CELF4: variants seen among roughly 807,000 people sequenced by gnomAD.
The protein encoded by CELF4 is CUG-BP- and ETR-3-like factor 4.
Under a neutral mutation model 59.9 loss-of-function variants are expected in CELF4, and 18 were observed. The observed-to-expected ratio is 0.30, with a 90% CI of 0.21 to 0.45. The LOEUF is 0.45. Ranked by LOEUF, CELF4 falls within the 20% of genes least tolerant of loss-of-function variation. CELF4 has a pLI of 1.00. For synonymous variants in CELF4, 261 were observed against 267.1 expected, an observed-to-expected ratio of 0.98 and a Z score of 0.22; for missense variants, 456 against 689.0, an observed-to-expected ratio of 0.66 and a Z score of 3.79.
At chr18:37,446,209 A>G (rs1402358936) in intron 2 of CELF4, among the ~76,000 whole-genome samples, 1 of 152,146 alleles carries the variant, frequency 6.6e-6, no homozygotes, top group Non-Finnish European at 1.5e-5. Context: ...AGACTGCATA[A>G]ATGCTACAGC....
chr18:37,489,608 G>A (rs2099893505), intron 1 of CELF4, among the ~76,000 whole-genome samples: 1 of 152,184 alleles, frequency 6.6e-6, no homozygotes, highest in Non-Finnish European at 1.5e-5. Context: ...AGCTGAAAGG[G>A]GGGAAGGTGG....
At chr18:37,480,152 C>T (rs957687590) in intron 2 of CELF4, among the ~76,000 whole-genome samples, 4 of 152,188 alleles carry the variant, frequency 2.6e-5, no homozygotes, top group Non-Finnish European at 5.9e-5. Context: ...CAGTCCCATG[C>T]TAATACACTC....
intron 2 of CELF4, among the ~76,000 whole-genome samples, chr18:37,447,685 G>T (rs570603657): frequency 1.3e-5 from 2 of 152,330 alleles, no homozygotes; most frequent in Admixed American, 1.3e-4. Flanking sequence ...TGAGGGGTGG[G>T]TGTCTGCACC....
chr18:37,553,015 G>A (rs1181036301), intron 1 of CELF4, among the ~76,000 whole-genome samples: 3 of 152,144 alleles, frequency 2.0e-5, no homozygotes, highest in Admixed American at 2.0e-4. Context: ...CTTTTCCCTG[G>A]GGACCCAACT....
intron 2 of CELF4, among the ~76,000 whole-genome samples, chr18:37,401,426 C>A (rs1603636550): frequency 6.6e-6 from 1 of 152,188 alleles, no homozygotes. Context: ...ATTTGTGGGG[C>A]AAGGACTCAG....
intron 3 of CELF4, among the ~76,000 whole-genome samples, chr18:37,296,138 C>T (rs2095626004): frequency 6.6e-6 from 1 of 152,218 alleles, no homozygotes; most frequent in Non-Finnish European, 1.5e-5. Context: ...GGCCATTCAA[C>T]TATCTTTTTG....
intron 2 of CELF4, among the ~76,000 whole-genome samples, chr18:37,378,543 C>T (rs995765215): frequency 2.0e-5 from 3 of 152,200 alleles, no homozygotes; most frequent in African/African-American, 7.2e-5. Flanking sequence ...CTTCTTAGAG[C>T]GTCGAGAGGA....
chr18:37,334,873 C>G (rs1403911290), intron 2 of CELF4, among the ~76,000 whole-genome samples: 1 of 152,160 alleles, frequency 6.6e-6, no homozygotes, highest in Non-Finnish European at 1.5e-5. Context: ...TGCTCTTAAT[C>G]CCTACGCCAC....
chr18:37,271,062 A>G (rs554594118), intron 7 of CELF4, 145 bp from the exon 8 acceptor site: 21 of 662,402 alleles, frequency 3.2e-5, no homozygotes, highest in Middle Eastern at 4.1e-4. Context: ...AATCTTATCT[A>G]TGACCCATGC....
At chr18:37,549,973 C>T (rs756352319) in intron 1 of CELF4, among the ~76,000 whole-genome samples, 4 of 147,984 alleles carry the variant, frequency 2.7e-5, no homozygotes, top group African/African-American at 4.9e-5. Flanking sequence ...TTTTGGCATT[C>T]GAAACACAAG....
At chr18:37,416,796 C>T (rs1222072630) in intron 2 of CELF4, among the ~76,000 whole-genome samples, 2 of 152,172 alleles carry the variant, frequency 1.3e-5, no homozygotes, top group East Asian at 1.9e-4. Context: ...CTCCCTGTTG[C>T]ATCTGTCCTG....
chr18:37,425,730 G>A (rs1224827069), intron 2 of CELF4, among the ~76,000 whole-genome samples: 2 of 152,248 alleles, frequency 1.3e-5, no homozygotes, highest in South Asian at 2.1e-4. Flanking sequence ...CCCTGGCACA[G>A]ACTTGACCTT....
At chr18:37,519,462 A>C (rs1330210218) in intron 1 of CELF4, among the ~76,000 whole-genome samples, 2 of 152,118 alleles carry the variant, frequency 1.3e-5, no homozygotes, top group Non-Finnish European at 2.9e-5. Flanking sequence ...CTTCAGTGGA[A>C]GATTAAAAAA....
chr18:37,284,297 C>T (rs1018876221), intron 3 of CELF4, among the ~76,000 whole-genome samples: 2 of 151,700 alleles, frequency 1.3e-5, no homozygotes, highest in Non-Finnish European at 2.9e-5. Flanking sequence ...CAGACACACA[C>T]CCCAATGCAC....
intron 1 of CELF4, among the ~76,000 whole-genome samples, chr18:37,533,950 T>C (rs1396787457): frequency 6.6e-6 from 1 of 152,120 alleles, no homozygotes; most frequent in Non-Finnish European, 1.5e-5. Context: ...CCTGGCTCCT[T>C]GTGGTGTATG....
intron 3 of CELF4, among the ~76,000 whole-genome samples, chr18:37,307,937 G>A (rs1315839998): frequency 6.6e-6 from 1 of 152,178 alleles, no homozygotes; most frequent in Non-Finnish European, 1.5e-5. Context: ...GGGCAGGTGG[G>A]AAGGGTCAGA....
At chr18:37,361,168 A>G (rs1164920440) in intron 2 of CELF4, among the ~76,000 whole-genome samples, 1 of 152,230 alleles carries the variant, frequency 6.6e-6, no homozygotes, top group Non-Finnish European at 1.5e-5. Flanking sequence ...GGTTTCCACA[A>G]GGGTGTTGAT....
intron 2 of CELF4, among the ~76,000 whole-genome samples, chr18:37,439,175 A>G (rs1333447497): frequency 6.6e-6 from 1 of 152,168 alleles, no homozygotes; most frequent in Non-Finnish European, 1.5e-5. Flanking sequence ...AGCTGGCCAG[A>G]GGCAGGCCTG....
intron 10 of CELF4, among the ~76,000 whole-genome samples, chr18:37,261,985 T>C (rs1194973981): frequency 1.3e-5 from 2 of 152,208 alleles, no homozygotes; most frequent in Non-Finnish European, 2.9e-5. Flanking sequence ...CGGACAACTC[T>C]GTGGGACACG....
Sources: gnomAD v4.1 joint callset for allele counts (sites outside exome capture counted in the v4.1 genomes callset) on GRCh38, gnomAD v4.1.1 for gene constraint, MANE v1.5 for transcripts, NCBI Gene and HGNC (gene_info 2026-07-23, HGNC 2026-07-21) for gene names.